VTA1: variants seen among roughly 807,000 people sequenced by gnomAD.
The protein encoded by VTA1 is vacuolar protein sorting-associated protein VTA1 homolog.
VTA1 carries 24 observed loss-of-function variants against 36.9 expected under a neutral mutation model. The ratio of observed to expected loss-of-function variants is 0.65; its 90% CI spans 0.47 to 0.91. The LOEUF is 0.91. Among genes scored for constraint, VTA1 ranks in the 40% least tolerant of loss-of-function variants. VTA1 has a pLI of 0.00. For synonymous variants in VTA1, 142 were observed against 130.2 expected (o/e 1.09, Z -0.62); for missense variants, 393 against 377.2 (o/e 1.04, Z -0.35).
intron 4 of VTA1, among the ~76,000 whole-genome samples, chr6:142,176,228 T>G (rs2114651510): frequency 6.6e-6 from 1 of 152,342 alleles, no homozygotes; most frequent in East Asian, 1.9e-4. Context: ...TAATCTTTGG[T>G]TAAGATTAAT....
intron 7 of VTA1, among the ~76,000 whole-genome samples, chr6:142,215,839 A>G (rs1460814259): frequency 6.6e-6 from 1 of 152,188 alleles, no homozygotes; most frequent in Non-Finnish European, 1.5e-5. Flanking sequence ...CTTTATACCA[A>G]GTGATGTTAT....
At chr6:142,194,973 G>A (rs1050772311) in intron 5 of VTA1, among the ~76,000 whole-genome samples, 1 of 151,984 alleles carries the variant, frequency 6.6e-6, no homozygotes, top group African/African-American at 2.4e-5. Context: ...AACCAACCCT[G>A]CACTCATTGG....
intron 1 of VTA1, among the ~76,000 whole-genome samples, chr6:142,161,616 C>G (rs1774810980): frequency 6.6e-6 from 1 of 152,052 alleles, no homozygotes; most frequent in African/African-American, 2.4e-5. Flanking sequence ...AAACACATTT[C>G]CTTGATGAAA....
Position 142,220,462 on chromosome 6 carries a change from G to T in VTA1, c.*1819G>T, listed in dbSNP as rs1256280938. 1 of 152,008 alleles carries T rather than the reference G, an allele frequency of 6.6e-6. No individual in the cohort carries two copies. The highest frequency in any genetic ancestry group is 1.9e-4 in the East Asian group (1 of 5,160). 9.4% of individuals were successfully genotyped at this position (152,008 alleles called of 1,614,324 possible). On this transcript the variant is annotated 3_prime_UTR_variant, in exon 8 of 8. Transcript: ENST00000367630. ...GTAGTGGGCTGCATGGTGTGACAGA[G>T]CCCTTCTCTGTAAAATGGAAATGAC...
At chr6:142,169,707 TATTA>T in intron 3 of VTA1, 30 bp downstream of exon 3, 1 of 1,500,432 alleles carries the variant, frequency 6.7e-7, no homozygotes, top group Non-Finnish European at 8.8e-7. Context: ...AAAATTATTT[TATTA>T]ATTTTGTAAC....
intron 5 of VTA1, among the ~76,000 whole-genome samples, chr6:142,195,681 A>T (rs1332247339): frequency 1.3e-5 from 2 of 150,294 alleles, no homozygotes; most frequent in African/African-American, 4.9e-5. Flanking sequence ...GAATAATTTA[A>T]ATCTATCTTT....
At chr6:142,204,203 C>G (rs1775742323) in intron 7 of VTA1, 138 bp downstream of exon 7, 4 of 751,052 alleles carry the variant, frequency 5.3e-6, no homozygotes, top group Non-Finnish European at 8.7e-6. Flanking sequence ...AATAAATTTC[C>G]TTGAATGCTT....
At chr6:142,148,468 A>G (rs1472359357) in intron 1 of VTA1, among the ~76,000 whole-genome samples, 1 of 152,158 alleles carries the variant, frequency 6.6e-6, no homozygotes, top group Non-Finnish European at 1.5e-5. Flanking sequence ...TTCAAATTTT[A>G]CAGCATCATT....
Position 142,189,448 on chromosome 6 carries a change from C to T in VTA1, c.434C>T (p.Ala145Val), listed in dbSNP as rs765927257. Reference protein sequence around the residue: ...TDENVKHRKYARWKATYIHNC... With the variant: ...TDENVKHRKYVRWKATYIHNC... ...TAGAATGTGAAACACAGGAAGTATG[C>T]CAGATGGAAGGCAACATACATCCAT... Residue 145 changes from alanine (A) to valine (V), a missense_variant, in exon 5 of 8, where the codon GCC (alanine) becomes GTC (valine). Ala to Val is a moderately conservative substitution (Grantham distance 64, BLOSUM62 0). Transcript: ENST00000367630. 2.2e-5 allele frequency: 35 copies of T among 1,613,318 alleles called. 3 individuals are homozygous for T. The South Asian group carries it at 3.6e-4, about 17-fold the overall frequency.
intron 5 of VTA1, 140 bp downstream of exon 5, chr6:142,189,674 A>T: frequency 1.6e-6 from 1 of 620,030 alleles, no homozygotes; most frequent in Non-Finnish European, 2.7e-6. Flanking sequence ...TAAAATCATA[A>T]ACTTAGGGAC....
intron 4 of VTA1, among the ~76,000 whole-genome samples, chr6:142,180,193 A>G (rs1775200646): frequency 6.6e-6 from 1 of 152,196 alleles, no homozygotes; most frequent in East Asian, 1.9e-4. Flanking sequence ...CTTTCGTAAA[A>G]AGTGCTTAAT....
At chr6:142,151,275 C>G (rs1288675242) in intron 1 of VTA1, among the ~76,000 whole-genome samples, 1 of 152,172 alleles carries the variant, frequency 6.6e-6, no homozygotes, top group Non-Finnish European at 1.5e-5. Context: ...GAGTCTCTTA[C>G]ATTTATACAT....
chr6:142,217,740 A>G (rs1776028487), intron 7 of VTA1, among the ~76,000 whole-genome samples: 1 of 151,980 alleles, frequency 6.6e-6, no homozygotes, highest in Admixed American at 6.6e-5. Context: ...AAAATTTCCA[A>G]AGAAAATGGT....
intron 4 of VTA1, among the ~76,000 whole-genome samples, chr6:142,184,345 C>T (rs970656404): frequency 6.6e-6 from 1 of 152,128 alleles, no homozygotes; most frequent in South Asian, 2.1e-4. Context: ...AATGACATTT[C>T]TTCATCTCTA....
chr6:142,184,234 A>C (rs889645748), intron 4 of VTA1, among the ~76,000 whole-genome samples: 3 of 152,160 alleles, frequency 2.0e-5, no homozygotes, highest in African/African-American at 7.2e-5. Flanking sequence ...CTGAGTTGCA[A>C]ATTGCAGCGT....
rs1488523021 is a variant in VTA1, at chr6:142,219,128, A to G, written c.*485A>G. On this transcript the variant is annotated 3_prime_UTR_variant, in exon 8 of 8. Coordinates refer to ENST00000367630, the MANE Select transcript of VTA1 (RefSeq NM_016485.5). ...GACATAAAACAAATATAAACATTCT[A>G]AACTGCTGGATGAATCTGAAAAGAC... The G allele has an allele frequency of 6.6e-6, 1 of 152,246 alleles. No homozygotes were observed. The highest frequency in any genetic ancestry group is 2.4e-5 in the African/African-American group (1 of 41,456). 9.4% of individuals were successfully genotyped at this position (152,246 alleles called of 1,614,324 possible).
At chr6:142,149,234 C>A (rs1778518407) in intron 1 of VTA1, among the ~76,000 whole-genome samples, 1 of 152,054 alleles carries the variant, frequency 6.6e-6, no homozygotes, top group Non-Finnish European at 1.5e-5. Context: ...GTTTTCATGC[C>A]CAGTATTTCA....
At chr6:142,177,271 A>C (rs1775144239) in intron 4 of VTA1, among the ~76,000 whole-genome samples, 1 of 152,218 alleles carries the variant, frequency 6.6e-6, no homozygotes, top group Non-Finnish European at 1.5e-5. Flanking sequence ...ATTTTTTCAT[A>C]CAGTATTAGT....
At chr6:142,190,046 C>T (rs772711069) in intron 5 of VTA1, among the ~76,000 whole-genome samples, 4 of 152,128 alleles carry the variant, frequency 2.6e-5, no homozygotes, top group African/African-American at 4.8e-5. Flanking sequence ...CGTGAGCCAC[C>T]GTACCTGGCC....
Sources: allele counts gnomAD v4.1 joint callset (sites outside exome capture counted in the v4.1 genomes callset), GRCh38; gene constraint gnomAD v4.1.1; transcripts MANE v1.5; gene names NCBI Gene and HGNC (gene_info 2026-07-23, HGNC 2026-07-21).